The following FLRT2 variants were observed in gnomAD, a reference collection of about 807,000 sequenced individuals.
FLRT2 encodes the protein leucine-rich repeat transmembrane protein FLRT2.
A neutral mutation model predicts 40.0 loss-of-function variants in FLRT2; 15 were observed. The ratio of observed to expected loss-of-function variants is 0.38; its 90% CI spans 0.25 to 0.58. FLRT2 has a LOEUF of 0.58. Among genes scored for constraint, FLRT2 ranks in the 20% least tolerant of loss-of-function variants. FLRT2 has a pLI of 0.71. For missense variants in FLRT2, 726 were observed against 840.0 expected (o/e 0.86, Z 1.68); for synonymous variants, 380 against 336.8 (o/e 1.13, Z -1.41).
At position 85,636,872 on chromosome 14, in the gene FLRT2, T is replaced by C. The variant is rs1447807128; in HGVS notation, c.*13375T>C. 7.6e-6 allele frequency: 1 copy of C among 131,136 alleles called. No individual in the cohort carries two copies. Among genetic ancestry groups the C allele is most frequent in the Non-Finnish European group, 1.5e-5 (1 of 65,654 alleles). 8.1% of individuals were successfully genotyped at this position (131,136 alleles called of 1,614,324 possible). ...TGAACCTGGGAGGCGGAGGTTGCAG[T>C]GAGCTGAGATAGTGCCACTGCATTC... On this transcript the variant is annotated 3_prime_UTR_variant, in exon 2 of 2. Transcript: ENST00000330753.
In FLRT2 at chr14:85,630,981, A is replaced by G. The variant is rs1430562807; in HGVS notation, c.*7484A>G. 1 of 151,752 alleles carries G rather than the reference A, an allele frequency of 6.6e-6. No homozygotes were observed. Among genetic ancestry groups the G allele is most frequent in the Admixed American group, 6.6e-5 (1 of 15,208 alleles). 9.4% of individuals were successfully genotyped at this position (151,752 alleles called of 1,614,324 possible). ...CATGCGTTTTTATTGCTTGCAAGAT[A>G]GAATTCAAACTCTTTGTGTGACTTA... On this transcript the variant is annotated 3_prime_UTR_variant, in exon 2 of 2. Transcript: ENST00000330753.
chr14:85,616,422 A>AT (rs1214951568), intron 1 of FLRT2, among the ~76,000 whole-genome samples: 1 of 152,090 alleles, frequency 6.6e-6, no homozygotes, highest in African/African-American at 2.4e-5. Flanking sequence ...ATGCCCAATG[A>AT]TTTTGAAACA....
At chr14:85,588,585 T>A (rs566431577) in intron 1 of FLRT2, among the ~76,000 whole-genome samples, 61 of 152,228 alleles carry the variant, frequency 4.0e-4, no homozygotes, top group Non-Finnish European at 6.6e-4. Flanking sequence ...GGGGTATCCA[T>A]CCTCTTAAGG....
At chr14:85,597,901 G>T (rs1892212855) in intron 1 of FLRT2, among the ~76,000 whole-genome samples, 1 of 152,248 alleles carries the variant, frequency 6.6e-6, no homozygotes, top group Non-Finnish European at 1.5e-5. Flanking sequence ...GGACTGCTGA[G>T]ATGATATATT....
At chr14:85,539,242 A>G (rs1283379477) in intron 1 of FLRT2, among the ~76,000 whole-genome samples, 2 of 151,946 alleles carry the variant, frequency 1.3e-5, no homozygotes, top group African/African-American at 4.8e-5. Flanking sequence ...TGGAGCCAGA[A>G]AGAAGTTAAG....
chr14:85,573,326 C>G (rs958312973), intron 1 of FLRT2, among the ~76,000 whole-genome samples: 2 of 152,118 alleles, frequency 1.3e-5, no homozygotes, highest in African/African-American at 2.4e-5. Flanking sequence ...CTCTCTCTCT[C>G]TCACATACAC....
intron 1 of FLRT2, among the ~76,000 whole-genome samples, chr14:85,550,209 T>C (rs1889527998): frequency 6.6e-6 from 1 of 152,178 alleles, no homozygotes; most frequent in East Asian, 1.9e-4. Context: ...AAATTTCAGC[T>C]TGTCACTATA....
At position 85,622,124 on chromosome 14, in the gene FLRT2, A is replaced by G; in HGVS notation, c.610A>G (p.Thr204Ala). ...ATCCGACATGGCCTTCCAGAATCTC[A>G]CGAGCTTGGAGCGTCTTATTGTGGA... Reference protein sequence around the residue: ...VISDMAFQNLTSLERLIVDGN... With the variant: ...VISDMAFQNLASLERLIVDGN... The change falls in exon 2 of 2, where the codon ACG (threonine) becomes GCG (alanine). Residue 204 changes from threonine to alanine, a missense_variant. Thr to Ala is a moderately conservative substitution (Grantham distance 58, BLOSUM62 0). This residue lies in a region of FLRT2 where 611 missense variants were observed against 690.0 expected (regional missense o/e 0.89). Transcript: ENST00000330753. The G allele has an allele frequency of 6.2e-7, 1 of 1,612,556 alleles. No individual in the cohort carries two copies. Among genetic ancestry groups the G allele is most frequent in the Non-Finnish European group, 8.5e-7 (1 of 1,178,622 alleles).
intron 1 of FLRT2, among the ~76,000 whole-genome samples, chr14:85,619,055 G>T (rs1893265768): frequency 6.7e-6 from 1 of 150,064 alleles, no homozygotes; most frequent in Non-Finnish European, 1.5e-5. Flanking sequence ...ATGTATATTA[G>T]GTTTTGTAAA....
intron 1 of FLRT2, among the ~76,000 whole-genome samples, chr14:85,611,773 C>G (rs1489190081): frequency 2.0e-5 from 3 of 152,124 alleles, no homozygotes; most frequent in African/African-American, 7.2e-5. Context: ...ACATTATTCC[C>G]TTATGTATGA....
intron 1 of FLRT2, among the ~76,000 whole-genome samples, chr14:85,619,314 G>A (rs141902508): frequency 1.0e-3 from 159 of 151,892 alleles, no homozygotes; most frequent in Non-Finnish European, 1.9e-3. Flanking sequence ...CGAACTCCTG[G>A]GCTCAAGCTA....
intron 1 of FLRT2, among the ~76,000 whole-genome samples, chr14:85,563,736 T>C (rs987504096): frequency 2.6e-5 from 4 of 152,156 alleles, no homozygotes; most frequent in African/African-American, 9.7e-5. Flanking sequence ...AGCAAAACCA[T>C]GACTTGGCTC....
chr14:85,565,591 A>G (rs993314189), intron 1 of FLRT2, among the ~76,000 whole-genome samples: 2 of 152,208 alleles, frequency 1.3e-5, no homozygotes, highest in Admixed American at 6.5e-5. Context: ...TTTAGAAACC[A>G]TATGCATGGA....
intron 1 of FLRT2, among the ~76,000 whole-genome samples, chr14:85,556,739 A>G (rs1397893426): frequency 1.3e-5 from 2 of 152,270 alleles, no homozygotes; most frequent in Non-Finnish European, 2.9e-5. Flanking sequence ...TGCTTGGCAC[A>G]TGGTATATAC....
At chr14:85,553,073 C>CTAAG (rs1889738133) in intron 1 of FLRT2, among the ~76,000 whole-genome samples, 1 of 152,092 alleles carries the variant, frequency 6.6e-6, no homozygotes, top group East Asian at 1.9e-4. Context: ...TGGGGAATAC[C>CTAAG]TAAGAGAGCA....
chr14:85,627,784 C>G lies in FLRT2; in HGVS notation c.*4287C>G, dbSNP rs1000837310. ...TTCTGGTTTCTGTTTAGTGTGTTCT[C>G]TCTGATAAGGGGCTGAAAGATTCTG... is the stretch of plus-strand genomic sequence containing the variant. On this transcript the variant is annotated 3_prime_UTR_variant, in exon 2 of 2. Transcript: ENST00000330753. 2.4e-5 allele frequency: 4 copies of G among 167,086 alleles called. No individual in the cohort carries two copies. The highest frequency in any genetic ancestry group is 7.2e-5 in the African/African-American group (3 of 41,444). 10.4% of individuals were successfully genotyped at this position (167,086 alleles called of 1,614,324 possible).
chr14:85,567,396 T>C (rs1379123515), intron 1 of FLRT2, among the ~76,000 whole-genome samples: 2 of 152,174 alleles, frequency 1.3e-5, no homozygotes, highest in Non-Finnish European at 2.9e-5. Context: ...AATGTGTGTG[T>C]GTGCCCAGTT....
At chr14:85,620,990 A>G (rs570887727) in intron 1 of FLRT2, 149 bp from the exon 2 acceptor site, 1 of 155,646 alleles carries the variant, frequency 6.4e-6, no homozygotes, top group African/African-American at 2.4e-5. Context: ...CAAGTAAGTT[A>G]CTGTTATTTG....
chr14:85,568,905 CCTCTCACTCATTCCGTCT>C lies in FLRT2; in HGVS notation c.-377+38372_-377+38389del, dbSNP rs752428439. On this transcript the variant is annotated intron_variant, in intron 1 of 1. Transcript: ENST00000330753. ...GGTGTATATCAGCCGCCTCTCTCTG[CCTCTCACTCATTCCGTCT>C]GTCTCCTCTTTTCCCTCGTCTCCCT... Among the ~76,000 whole-genome samples the C allele has an allele frequency of 7.2e-3, 1,097 of 152,324 alleles. 12 individuals are homozygous for C. The highest frequency in any genetic ancestry group is 0.021 in the Middle Eastern group (6 of 292).
Sources: gnomAD v4.1 joint callset for allele counts (sites outside exome capture counted in the v4.1 genomes callset) on GRCh38, gnomAD v4.1.1 for gene constraint, gnomAD v4.1.1 regional missense constraint, MANE v1.5 for transcripts, NCBI Gene and HGNC (gene_info 2026-07-23, HGNC 2026-07-21) for gene names.